SALL3: variants seen among roughly 807,000 people sequenced by gnomAD.
SALL3 encodes the protein spalt like transcription factor 3.
Under a neutral mutation model 66.2 loss-of-function variants are expected in SALL3, and 25 were observed. The observed-to-expected ratio is 0.38, with a 90% CI of 0.28 to 0.53. The LOEUF (loss-of-function observed/expected upper bound fraction) is 0.53, where lower values mean the gene tolerates loss of function less well. Ranked by LOEUF, SALL3 falls within the 20% of genes least tolerant of loss-of-function variation. SALL3 has a pLI of 0.85. For synonymous variants in SALL3, 1,152 were observed against 899.1 expected (o/e 1.28, Z -5.03); for missense variants, 2,194 against 1,916.5 (o/e 1.14, Z -2.70).
rs979107138 is a variant in SALL3, at chr18:78,993,908, C to T, written c.1917C>T (p.Val639=). ...TCGGCAGCCCCGGGCTGCCCGCCGT[C>T]TCCGAGCAGTTCAAGGCCCAGTTTC... ...TSLGSPGLPA[V]SEQFKAQFPF... The change falls in exon 2 of 3, where the codon GTC becomes GTT. Residue 639 remains valine (V), a synonymous_variant. Transcript: ENST00000537592. 1.4e-5 allele frequency: 23 copies of T among 1,598,458 alleles called. No individual in the cohort carries two copies. Among genetic ancestry groups the T allele is most frequent in the African/African-American group, 2.7e-5 (2 of 74,504 alleles).
chr18:78,985,389 C>T (rs1199431198), intron 1 of SALL3, among the ~76,000 whole-genome samples: 2 of 152,164 alleles, frequency 1.3e-5, no homozygotes, highest in East Asian at 1.9e-4. Context: ...GTTTAATTAA[C>T]CCTGCAGGTG....
At position 78,992,612 on chromosome 18, in the gene SALL3, A is replaced by G. The variant is rs753683997; in HGVS notation, c.621A>G (p.Glu207=). The change falls in exon 2 of 3, where the codon GAA becomes GAG. Residue 207 remains glutamate, a synonymous_variant. Coordinates refer to ENST00000537592, the MANE Select transcript of SALL3 (RefSeq NM_171999.4). ...VAAAAVPLIL[E]QLMALQQQQI... ...CTGCAGCCGTGCCCCTGATCCTGGA[A>G]CAGCTCATGGCCCTGCAGCAGCAGC... 6 of 1,549,222 alleles carry G rather than the reference A, an allele frequency of 3.9e-6. No homozygotes were observed. The highest frequency in any genetic ancestry group is 5.2e-6 in the Non-Finnish European group (6 of 1,155,250).
chr18:78,980,511 G>C (rs2146204216), intron 1 of SALL3, among the ~76,000 whole-genome samples, 155 bp downstream of exon 1: 1 of 151,740 alleles, frequency 6.6e-6, no homozygotes, highest in Non-Finnish European at 1.5e-5. Flanking sequence ...GGCCGGCCGC[G>C]GGGCCCCGGG....
rs925073182 is a variant in SALL3 at position 78,992,679 on chromosome 18, G to C, written c.688G>C (p.Val230Leu). The change falls in exon 2 of 3, where the codon GTG becomes CTG. Residue 230 changes from valine (V) to leucine (L), a missense_variant. Val to Leu is a conservative substitution (Grantham distance 32, BLOSUM62 1). Transcript: ENST00000537592. Reference protein sequence around the residue: ...LQLIEQIRSQVALMQRPPPRP... With the variant: ...LQLIEQIRSQLALMQRPPPRP... ...GCTCATCGAGCAGATCCGCAGCCAG[G>C]TGGCCCTCATGCAGCGCCCGCCGCC... The C allele has an allele frequency of 3.9e-6, 6 of 1,534,026 alleles. No individual in the cohort carries two copies. In the African/African-American group the frequency reaches 8.6e-5, roughly 22 times the overall value.
intron 1 of SALL3, among the ~76,000 whole-genome samples, chr18:78,983,935 A>C (rs1914156492): frequency 6.6e-6 from 1 of 151,506 alleles, no homozygotes; most frequent in Admixed American, 6.5e-5. Flanking sequence ...TGTGATCAAC[A>C]AAAAAGCATA....
Position 78,992,966 on chromosome 18 carries a change from G to GGCGCCA in SALL3, c.981_986dup (p.Ala328_Pro329dup), listed in dbSNP as rs1180379864. 3 of 1,208,956 alleles carry GGCGCCA rather than the reference G, an allele frequency of 2.5e-6. No individual in the cohort carries two copies. The highest frequency in any genetic ancestry group is 3.1e-6 in the Non-Finnish European group (3 of 974,608). 74.9% of individuals were successfully genotyped at this position (1,208,956 alleles called of 1,614,324 possible). On this transcript the variant is annotated inframe_insertion, in exon 2 of 3. Coordinates refer to ENST00000537592, the MANE Select transcript of SALL3 (RefSeq NM_171999.4). The stretch of plus-strand genomic sequence containing the variant: ...CCCCTGCCCCCGCTGCCCCCGCCCC[G>GGCGCCA]GCGCCAGCGCCGCAGAGCGCAGCCT...
In SALL3 at chr18:78,995,305, C is replaced by A. The variant is rs768962168; in HGVS notation, c.3314C>A (p.Pro1105Gln). ...GGCCTGGCGCCCATGCTGGCCCCCC[C>A]ACCGCGCCGGACGCCCAAGCAGCAC... The part of the protein sequence containing the change: ...GPGLAPMLAP[P>Q]PRRTPKQHNC... The change falls in exon 2 of 3, where the codon CCA becomes CAA. Residue 1105 changes from proline (P) to glutamine (Q), a missense_variant. Physicochemically the swap from Pro to Gln is moderately conservative, Grantham distance 76. Coordinates refer to ENST00000537592, the MANE Select transcript of SALL3 (RefSeq NM_171999.4). 9.5e-6 allele frequency: 15 copies of A among 1,571,914 alleles called. No individual in the cohort carries two copies. Among genetic ancestry groups the A allele is most frequent in the Middle Eastern group, 1.7e-4 (1 of 6,030 alleles).
In SALL3 at chr18:78,995,069, A is replaced by G; in HGVS notation, c.3078A>G (p.Thr1026=). 1 of 1,613,860 alleles carries G rather than the reference A, an allele frequency of 6.2e-7. No homozygotes were observed. The highest frequency in any genetic ancestry group is 8.5e-7 in the Non-Finnish European group (1 of 1,180,020). Residue 1026 remains threonine (T), a synonymous_variant, in exon 2 of 3, where the codon ACA becomes ACG. Coordinates refer to ENST00000537592, the MANE Select transcript of SALL3 (RefSeq NM_171999.4). ...GTAATTTAAAACAGCACTTACTGAC[A>G]CACAGATTGAAAGAGCTGCCTTCTC... The part of the protein sequence containing the change: ...TMGNLKQHLL[T]HRLKELPSQL...
Position 78,992,201 on chromosome 18 carries a change from G to T in SALL3, c.210G>T (p.Gln70His). The T allele has an allele frequency of 6.2e-7, 1 of 1,610,192 alleles. No homozygotes were observed. ...FFKWADFLEH[Q>H]RSCTKLPPVL... ...AGTGGGCGGACTTCCTGGAGCACCA[G>T]CGGAGCTGCACCAAGCTCCCGCCCG... is the stretch of plus-strand genomic sequence containing the variant. Residue 70 changes from glutamine to histidine, a missense_variant, in exon 2 of 3, where the codon CAG (glutamine) becomes CAT (histidine). By Grantham distance (24) the Gln-to-His change is conservative (BLOSUM62 0). Coordinates refer to ENST00000537592, the MANE Select transcript of SALL3 (RefSeq NM_171999.4).
At chr18:78,990,808 C>T (rs562098510) in intron 1 of SALL3, among the ~76,000 whole-genome samples, 1 of 152,280 alleles carries the variant, frequency 6.6e-6, no homozygotes, top group African/African-American at 2.4e-5. Context: ...TCAGTAATAT[C>T]CAGGCGAGCA....
rs1321211581 is a variant in SALL3, at chr18:78,994,408, A to G, written c.2417A>G (p.Glu806Gly). 1.2e-6 allele frequency: 2 copies of G among 1,612,978 alleles called. No individual in the cohort carries two copies. Among genetic ancestry groups the G allele is most frequent in the Non-Finnish European group, 1.7e-6 (2 of 1,179,992 alleles). Residue 806 changes from glutamate to glycine, a missense_variant, in exon 2 of 3, where the codon GAG becomes GGG. Coordinates refer to ENST00000537592, the MANE Select transcript of SALL3 (RefSeq NM_171999.4). ...GACGACATGGACGAGAACTCCATGG[A>G]GGACGACGCTGAGCTGAAGGACGCG... Reference protein sequence around the residue: ...YDDDMDENSMEDDAELKDAAT... With the variant: ...YDDDMDENSMGDDAELKDAAT...
In SALL3 at chr18:78,992,576, A is replaced by G. The variant is rs1315234382; in HGVS notation, c.585A>G (p.Gly195=). ...ARAAGGSGAG[G]GVAAAAVPLI... ...CGGCAGGCGGCTCGGGAGCAGGTGGAGGCGTGGCAGCTGCAGCCGTGCCCC... is the reference window on the plus strand; with the variant it reads ...CGGCAGGCGGCTCGGGAGCAGGTGGGGGCGTGGCAGCTGCAGCCGTGCCCC... The change falls in exon 2 of 3, where the codon GGA becomes GGG. Residue 195 remains glycine (G), a synonymous_variant. Coordinates refer to ENST00000537592, the MANE Select transcript of SALL3 (RefSeq NM_171999.4). 1.3e-6 allele frequency: 2 copies of G among 1,504,160 alleles called. No homozygotes were observed. Among genetic ancestry groups the G allele is most frequent in the Admixed American group, 4.1e-5 (2 of 49,172 alleles). The allele number at this position is 1,504,160 out of a possible 1,614,324, so 93.2% of individuals were successfully genotyped here. A position where few individuals can be genotyped will look rare whatever the true frequency, so the allele number is the denominator to read the frequency against.
intron 2 of SALL3, among the ~76,000 whole-genome samples, chr18:78,996,176 G>A (rs1914686855): frequency 1.3e-5 from 2 of 152,228 alleles, no homozygotes; most frequent in Admixed American, 1.3e-4. Context: ...GCGCTGTGCA[G>A]TGTTCCTGTA....
chr18:78,994,180 G>T lies in SALL3; in HGVS notation c.2189G>T (p.Arg730Leu). Residue 730 changes from arginine (R) to leucine (L), a missense_variant, in exon 2 of 3, where the codon CGT becomes CTT. Arg to Leu is a moderately radical substitution (Grantham distance 102). Transcript: ENST00000537592. ...GNLKTHFGVH[R>L]AKPPLRVQHS... is the part of the protein sequence containing the mutation. The stretch of plus-strand genomic sequence containing the variant: ...CTCAAGACGCACTTCGGCGTGCACC[G>T]TGCAAAGCCGCCCCTGCGCGTGCAG... 1 of 1,613,184 alleles carries T rather than the reference G, an allele frequency of 6.2e-7. No individual in the cohort carries two copies. The highest frequency in any genetic ancestry group is 8.5e-7 in the Non-Finnish European group (1 of 1,179,986).
At chr18:78,980,448 G>C (rs1259774686) in intron 1 of SALL3, 92 bp downstream of exon 1, 4 of 763,156 alleles carry the variant, frequency 5.2e-6, no homozygotes, top group Non-Finnish European at 7.0e-6. Context: ...GCGCGCGTCC[G>C]GGAGCGGGAG....
At chr18:78,984,048 A>G (rs976147386) in intron 1 of SALL3, among the ~76,000 whole-genome samples, 15 of 152,232 alleles carry the variant, frequency 9.9e-5, no homozygotes, top group African/African-American at 3.4e-4. Context: ...GCATTATCCA[A>G]TATTTTTAGA....
intron 1 of SALL3, 135 bp downstream of exon 1, chr18:78,980,491 C>T (rs375876148): frequency 8.4e-6 from 4 of 477,154 alleles, no homozygotes; most frequent in Non-Finnish European, 1.2e-5. Flanking sequence ...CAAGCGTCCG[C>T]CCCGCGCCAG....
chr18:78,994,728 G>A lies in SALL3; in HGVS notation c.2737G>A (p.Glu913Lys), dbSNP rs779548999. Residue 913 changes from glutamate to lysine, a missense_variant, in exon 2 of 3, where the codon GAG becomes AAG. Transcript: ENST00000537592. ...CCTGTCGCCGGCCCCCAGCAATGGT[G>A]AGAGCTTCCGCTCCAAGTCCCCGGG... ...QALSPAPSNG[E>K]SFRSKSPGLG... is the part of the protein sequence containing the mutation. The A allele has an allele frequency of 3.7e-6, 6 of 1,603,170 alleles. No individual in the cohort carries two copies. The East Asian group carries it at 1.3e-4, about 36-fold the overall frequency.
Position 78,993,041 on chromosome 18 carries a change from C to T in SALL3, c.1050C>T (p.Ser350=), listed in dbSNP as rs1445849778. Residue 350 remains serine, a synonymous_variant, in exon 2 of 3, where the codon TCC becomes TCT. Coordinates refer to ENST00000537592, the MANE Select transcript of SALL3 (RefSeq NM_171999.4). ...ASTPPALAPG[S]LLGAAPGLPS... ...CGCCGCCTGCCCTGGCCCCGGGGTC[C>T]CTGCTGGGTGCGGCGCCCGGCCTGC... 1.3e-6 allele frequency: 2 copies of T among 1,578,436 alleles called. No individual in the cohort carries two copies. Among genetic ancestry groups the T allele is most frequent in the Non-Finnish European group, 1.7e-6 (2 of 1,169,400 alleles).
Sources: allele counts gnomAD v4.1 joint callset (sites outside exome capture counted in the v4.1 genomes callset), GRCh38; gene constraint gnomAD v4.1.1; transcripts MANE v1.5; gene names NCBI Gene and HGNC (gene_info 2026-07-23, HGNC 2026-07-21).